Variants in DAOA observed in about 807,000 individuals in gnomAD.
The protein encoded by DAOA is D-amino acid oxidase activator.
DAOA carries 15 observed loss-of-function variants against 16.4 expected under a neutral mutation model. That is an observed-to-expected ratio of 0.91 (90% CI 0.61 to 1.41). The LOEUF (loss-of-function observed/expected upper bound fraction) is 1.41, where lower values mean the gene tolerates loss of function less well. DAOA is among the 40% of genes most tolerant of loss of function. DAOA has a pLI of 0.00. For missense variants in DAOA, 230 were observed against 176.8 expected, an observed-to-expected ratio of 1.30 and a Z score of -1.71; for synonymous variants, 75 against 59.1, an observed-to-expected ratio of 1.27 and a Z score of -1.23.
intron 4 of DAOA, among the ~76,000 whole-genome samples, chr13:105,480,530 A>AGATAGAT (rs1194515691): frequency 4.6e-5 from 4 of 87,632 alleles, no homozygotes; most frequent in Non-Finnish European, 7.3e-5. Context: ...ATAGATACAT[A>AGATAGAT]GATAGATAGA....
intron 4 of DAOA, among the ~76,000 whole-genome samples, chr13:105,489,594 T>G (rs1272616385): frequency 6.6e-6 from 1 of 152,254 alleles, no homozygotes; most frequent in Non-Finnish European, 1.5e-5. Context: ...ACTTGTTTAA[T>G]GTAAGCCTTA....
chr13:105,469,570 C>T (rs1039127321), intron 3 of DAOA, among the ~76,000 whole-genome samples: 18 of 152,164 alleles, frequency 1.2e-4, no homozygotes, highest in African/African-American at 3.6e-4. Context: ...GAGTTTGATA[C>T]TTTCTCTGCC....
intron 4 of DAOA, among the ~76,000 whole-genome samples, chr13:105,479,209 T>C (rs1877544775): frequency 6.6e-6 from 1 of 152,126 alleles, no homozygotes; most frequent in Non-Finnish European, 1.5e-5. Context: ...GTTTCTTGGT[T>C]TTTTCAAGGG....
chr13:105,473,524 A>C (rs1877136005), intron 4 of DAOA, among the ~76,000 whole-genome samples: 1 of 152,124 alleles, frequency 6.6e-6, no homozygotes, highest in Non-Finnish European at 1.5e-5. Flanking sequence ...TTTAATGTTG[A>C]CTTTCATGTT....
chr13:105,466,847 G>A (rs1876554372), intron 2 of DAOA, among the ~76,000 whole-genome samples: 1 of 151,392 alleles, frequency 6.6e-6, no homozygotes, highest in Non-Finnish European at 1.5e-5. Context: ...GTATGACTGA[G>A]CAATTTATAA....
At chr13:105,467,260 G>T in intron 3 of DAOA, 119 bp downstream of exon 3, 1 of 1,152,438 alleles carries the variant, frequency 8.7e-7, no homozygotes, top group Non-Finnish European at 1.2e-6. Context: ...CAATTAATTT[G>T]TAAGATACAG....
intron 4 of DAOA, among the ~76,000 whole-genome samples, chr13:105,481,416 A>G (rs1877736457): frequency 6.6e-6 from 1 of 151,980 alleles, no homozygotes; most frequent in Non-Finnish European, 1.5e-5. Context: ...AACTCCAGGG[A>G]CTCTGGTCTA....
At chr13:105,474,424 TC>T (rs574454230) in intron 4 of DAOA, among the ~76,000 whole-genome samples, 3 of 152,102 alleles carry the variant, frequency 2.0e-5, no homozygotes, top group Non-Finnish European at 4.4e-5. Flanking sequence ...ATAGATATTG[TC>T]TTACTAATGG....
At chr13:105,490,734 G>T (rs1447748272) in intron 5 of DAOA, 178 bp from the exon 6 acceptor site, 1 of 151,900 alleles carries the variant, frequency 6.6e-6, no homozygotes, top group African/African-American at 2.4e-5. Flanking sequence ...AATAATTTCT[G>T]ATTTATAATT....
intron 4 of DAOA, among the ~76,000 whole-genome samples, chr13:105,473,023 C>T (rs1029049829): frequency 6.6e-6 from 1 of 152,006 alleles, no homozygotes; most frequent in Non-Finnish European, 1.5e-5. Flanking sequence ...TGTCAAGCAT[C>T]TTGGGTGATA....
chr13:105,489,623 G>A (rs936769231), intron 4 of DAOA, among the ~76,000 whole-genome samples: 10 of 152,138 alleles, frequency 6.6e-5, no homozygotes, highest in Admixed American at 2.0e-4. Flanking sequence ...GCAGATGAAC[G>A]TCCTCAATTC....
At chr13:105,471,543 G>A (rs1476168568) in intron 3 of DAOA, among the ~76,000 whole-genome samples, 1 of 152,170 alleles carries the variant, frequency 6.6e-6, no homozygotes, top group African/African-American at 2.4e-5. Flanking sequence ...AAGAAAGGGA[G>A]TGCTATTTGT....
At chr13:105,471,026 G>T (rs1367523160) in intron 3 of DAOA, among the ~76,000 whole-genome samples, 3 of 152,090 alleles carry the variant, frequency 2.0e-5, no homozygotes, top group Non-Finnish European at 4.4e-5. Context: ...CTGACCTTGT[G>T]ATCCGCCCGC....
chr13:105,472,416 T>C, intron 3 of DAOA, 122 bp from the exon 4 acceptor site: 1 of 1,360,384 alleles, frequency 7.4e-7, no homozygotes. Context: ...ACCAAAAACC[T>C]CTGAAAAATT....
intron 3 of DAOA, among the ~76,000 whole-genome samples, chr13:105,467,387 G>T (rs541807538): frequency 6.6e-6 from 1 of 152,152 alleles, no homozygotes; most frequent in Admixed American, 6.5e-5. Flanking sequence ...TGAAGAGATC[G>T]ATATCTCTTT....
intron 3 of DAOA, among the ~76,000 whole-genome samples, chr13:105,470,116 A>ATTT (rs33937275): frequency 7.0e-5 from 10 of 142,270 alleles, no homozygotes; most frequent in Non-Finnish European, 9.2e-5. Context: ...GCTCATTGGA[A>ATTT]TTTTTTTTTT....
chr13:105,477,643 G>T (rs959763388), intron 4 of DAOA, among the ~76,000 whole-genome samples: 1 of 152,178 alleles, frequency 6.6e-6, no homozygotes, highest in Non-Finnish European at 1.5e-5. Context: ...AGGATCCCTT[G>T]AACCCAGAAA....
intron 2 of DAOA, among the ~76,000 whole-genome samples, chr13:105,466,816 C>A (rs72549468): frequency 1.3e-5 from 2 of 152,054 alleles, no homozygotes; most frequent in Non-Finnish European, 2.9e-5. Context: ...AGTGAACTCT[C>A]CTGTCAGCTA....
intron 4 of DAOA, among the ~76,000 whole-genome samples, chr13:105,476,508 A>C (rs1263697131): frequency 6.6e-6 from 1 of 151,752 alleles, no homozygotes; most frequent in African/African-American, 2.4e-5. Flanking sequence ...TCTGTAAAAA[A>C]AAAAAAAAAA....
Sources: allele counts gnomAD v4.1 joint callset (sites outside exome capture counted in the v4.1 genomes callset), GRCh38; gene constraint gnomAD v4.1.1; transcripts MANE v1.5; gene names NCBI Gene and HGNC (gene_info 2026-07-23, HGNC 2026-07-21).